SRSF1: variants seen among roughly 807,000 people sequenced by gnomAD.
SRSF1 encodes the protein serine and arginine rich splicing factor 1, also known as serine/arginine-rich splicing factor 1.
SRSF1 carries 1 observed loss-of-function variant against 25.9 expected under a neutral mutation model. The ratio of observed to expected loss-of-function variants is 0.04; its 90% CI spans 0.01 to 0.18. SRSF1 has a LOEUF of 0.18. Ranked by LOEUF, SRSF1 falls within the 10% of genes least tolerant of loss-of-function variation. The pLI is 1.00. For synonymous variants in SRSF1, 132 were observed against 126.2 expected, an observed-to-expected ratio of 1.05 and a Z score of -0.31; for missense variants, 65 against 350.5, an observed-to-expected ratio of 0.19 and a Z score of 6.50.
At position 58,006,273 on chromosome 17, in the gene SRSF1, T is replaced by C. The variant is rs563955711; in HGVS notation, c.379+70A>G. ...ATGAAAAATTTGCAATTATTAAACC[T>C]GTCACGCAAGAGAAAAATTTTAGGT... On this transcript the variant is annotated intron_variant, in intron 2 of 3. Transcript: ENST00000258962. 60 of 1,517,688 alleles carry C rather than the reference T, an allele frequency of 4.0e-5. No individual in the cohort carries two copies. The East Asian group carries it at 6.4e-4, about 16-fold the overall frequency. The allele number at this position is 1,517,688 out of a possible 1,614,324, so 94.0% of individuals were successfully genotyped here.
At position 58,002,211 on chromosome 17, in the gene SRSF1, TTC is replaced by T. The variant is rs1184565295; in HGVS notation, c.*3193_*3194del. Reference sequence around the variant, plus strand: ...TCTGCCTTTTGGCCATTACATTGAATTCTTAGATAAAAAGAGCTACATCCTTA... The same window carrying T: ...TCTGCCTTTTGGCCATTACATTGAATTTAGATAAAAAGAGCTACATCCTTA... On this transcript the variant is annotated 3_prime_UTR_variant, in exon 4 of 4. Coordinates refer to ENST00000258962, the MANE Select transcript of SRSF1 (RefSeq NM_006924.5). Among the ~76,000 whole-genome samples, 1 of 152,236 alleles carries T rather than the reference TTC, an allele frequency of 6.6e-6. No homozygotes were observed. The highest frequency in any genetic ancestry group is 1.9e-4 in the East Asian group (1 of 5,198).
the SRSF1 span, chr17:57,989,703 A>T: frequency 2.5e-6 from 1 of 398,486 alleles, no homozygotes; most frequent in African/African-American, 2.1e-5. Context: ...CTGATTCCCC[A>T]TTGGATACTG....
At chr17:57,993,410 A>G in the SRSF1 span, 2 of 152,080 alleles carry the variant, frequency 1.3e-5, no homozygotes, top group East Asian at 1.9e-4. Flanking sequence ...AAAAGTGCCT[A>G]AAGTTCTACA....
chr17:57,999,309 T>A (rs927672268), downstream of SRSF1, among the ~76,000 whole-genome samples: 2 of 152,150 alleles, frequency 1.3e-5, no homozygotes, highest in Non-Finnish European at 2.9e-5. Context: ...TATGTCTAGT[T>A]TTCCCCAGCA....
chr17:58,005,743 AC>A lies in SRSF1; in HGVS notation c.552+57del. 1 of 1,612,650 alleles carries A rather than the reference AC, an allele frequency of 6.2e-7. No individual in the cohort carries two copies. The highest frequency in any genetic ancestry group is 8.5e-7 in the Non-Finnish European group (1 of 1,179,010). On this transcript the variant is annotated intron_variant, in intron 3 of 3. Transcript: ENST00000258962. The surrounding 1 kb of genome is among the most constrained non-coding windows in gnomAD (Gnocchi z 5.2). Reference sequence around the variant, plus strand: ...GCCTGAATCCTTACCTTGAAATTCCACTGTTAAGACCACTGTATCCAATTCT... The same window carrying A: ...GCCTGAATCCTTACCTTGAAATTCCATGTTAAGACCACTGTATCCAATTCT...
Position 58,006,419 on chromosome 17 carries a change from C to T in SRSF1, c.303G>A (p.Gly101=), listed in dbSNP as rs771425679. 4 of 1,613,088 alleles carry T rather than the reference C, an allele frequency of 2.5e-6. No individual in the cohort carries two copies. In the Admixed American group the frequency reaches 5.0e-5, roughly 20 times the overall value. Residue 101 remains glycine, a synonymous_variant, in exon 2 of 4, where the codon GGG becomes GGA. Coordinates refer to ENST00000258962, the MANE Select transcript of SRSF1 (RefSeq NM_006924.5). ...CTCGGGGAGCTCCGCCACCTCCACC[C>T]CCGCCGCCGCCTCGGCCTGTTCCAC... ...SGRGTGRGGG[G]GGGGGAPRGR...
chr17:57,997,501 A>C (rs1263152269), downstream of SRSF1, among the ~76,000 whole-genome samples: 1 of 152,226 alleles, frequency 6.6e-6, no homozygotes, highest in African/African-American at 2.4e-5. Flanking sequence ...TAAAAAATAC[A>C]TGTATTTACC....
chr17:58,000,998 A>G lies in SRSF1; in HGVS notation c.*4408T>C, dbSNP rs932968326. ...GTAGTTTTTGGATTTCAAAAAATGG[A>G]TAAGAGACTGTAATCTGTTTTCTGC... On this transcript the variant is annotated 3_prime_UTR_variant, in exon 4 of 4. Transcript: ENST00000258962. Among the ~76,000 whole-genome samples the G allele has an allele frequency of 2.0e-5, 3 of 152,302 alleles. No individual in the cohort carries two copies. The highest frequency in any genetic ancestry group is 2.1e-4 in the South Asian group (1 of 4,824).
chr17:57,990,807 C>G, the SRSF1 span: 1 of 152,240 alleles, frequency 6.6e-6, no homozygotes, highest in Non-Finnish European at 1.5e-5. Context: ...AAACAAAAGT[C>G]AGATCCCCAA....
chr17:58,006,728 G>A (rs758875983), intron 1 of SRSF1: 12 of 878,234 alleles, frequency 1.4e-5, no homozygotes, highest in Non-Finnish European at 2.0e-5. Flanking sequence ...TCAGTTTCCC[G>A]CTCCAGCCTG....
At chr17:57,991,538 A>G in the SRSF1 span, 1 of 152,240 alleles carries the variant, frequency 6.6e-6, no homozygotes, top group Non-Finnish European at 1.5e-5. Context: ...TCAAGATTGC[A>G]ATATTTAGAA....
the SRSF1 span, chr17:57,990,298 G>A: frequency 3.3e-5 from 5 of 152,142 alleles, no homozygotes; most frequent in Non-Finnish European, 7.3e-5. Flanking sequence ...TTACTGAAAA[G>A]CTAAGATTCA....
chr17:58,007,044 T>C lies in SRSF1; in HGVS notation c.94A>G (p.Ile32Val). 6.2e-7 allele frequency: 1 copy of C among 1,614,248 alleles called. No individual in the cohort carries two copies. Among genetic ancestry groups the C allele is most frequent in the Non-Finnish European group, 8.5e-7 (1 of 1,180,046 alleles). Residue 32 changes from isoleucine (I) to valine (V), a missense_variant, in exon 1 of 4, where the codon ATT becomes GTT. Physicochemically the swap from Ile to Val is conservative, Grantham distance 29. Transcript: ENST00000258962. ...NLPPDIRTKD[I>V]EDVFYKYGAI... Reference sequence around the variant, plus strand: ...CCGTATTTGTAGAACACGTCCTCAATGTCCTTGGTTCGGATGTCTGGAGGT... The same window carrying C: ...CCGTATTTGTAGAACACGTCCTCAACGTCCTTGGTTCGGATGTCTGGAGGT...
rs1205892996 is a variant in SRSF1, at chr17:58,003,745, T to C, written c.*1661A>G. On this transcript the variant is annotated 3_prime_UTR_variant, in exon 4 of 4. Coordinates refer to ENST00000258962, the MANE Select transcript of SRSF1 (RefSeq NM_006924.5). ...TTTTACCAAAAAACGCAAAACACAA[T>C]TCCATCGTGCATCTTAAGGGCTCCA... 1.3e-5 allele frequency: 2 copies of C among 152,446 alleles called. No homozygotes were observed. Among genetic ancestry groups the C allele is most frequent in the African/African-American group, 2.4e-5 (1 of 41,374 alleles). 9.4% of individuals were successfully genotyped at this position (152,446 alleles called of 1,614,324 possible).
chr17:58,006,997 G>A lies in SRSF1; in HGVS notation c.141C>T (p.Leu47=). Residue 47 remains leucine (L), a synonymous_variant, in exon 1 of 4, where the codon CTC becomes CTT. Coordinates refer to ENST00000258962, the MANE Select transcript of SRSF1 (RefSeq NM_006924.5). ...AGGGCGGTCCCCCGCGGCGATTCTT[G>A]AGGTCGATGTCGCGGATAGCGCCGT... The part of the protein sequence containing the change: ...YKYGAIRDID[L]KNRRGGPPFA... 5.6e-6 allele frequency: 9 copies of A among 1,614,116 alleles called. No homozygotes were observed. Among genetic ancestry groups the A allele is most frequent in the Non-Finnish European group, 7.6e-6 (9 of 1,180,018 alleles).
chr17:58,006,777 G>A lies in SRSF1; in HGVS notation c.194+167C>T, dbSNP rs981599433. ...GGGACGTCCAAGGCGAGGCGCCAGA[G>A]AAGCCACATCAACTCAGCTCCTTAC... On this transcript the variant is annotated intron_variant, in intron 1 of 3. Transcript: ENST00000258962. 4.2e-6 allele frequency: 4 copies of A among 955,638 alleles called. No individual in the cohort carries two copies. The East Asian group carries it at 7.7e-5, about 18-fold the overall frequency. The allele number at this position is 955,638 out of a possible 1,614,324, so 59.2% of individuals were successfully genotyped here. A position where few individuals can be genotyped will look rare whatever the true frequency, so the allele number is the denominator to read the frequency against.
In SRSF1 at chr17:58,005,305, C is replaced by T; in HGVS notation, c.*101G>A. On this transcript the variant is annotated 3_prime_UTR_variant, in exon 4 of 4. Transcript: ENST00000258962. This position sits in a 1 kb window ranked among gnomAD's most constrained non-coding sequence, Gnocchi z 5.2. ...AAGAATGCAATTCAACACTTTAGCC[C>T]ATTCTGAACAAAACAGTTTGAATTA... The T allele has an allele frequency of 2.3e-6, 3 of 1,301,946 alleles. No individual in the cohort carries two copies. The South Asian group carries it at 4.1e-5, about 18-fold the overall frequency. The allele number at this position is 1,301,946 out of a possible 1,614,324, so 80.6% of individuals were successfully genotyped here.
rs781025039 is a variant in SRSF1, at chr17:58,005,242, C to T, written c.*164G>A. ...CTTAAAATACAATTTATCAAAGACA[C>T]GAAGGGAATGTAGATGTTAGGAGCA... is the stretch of plus-strand genomic sequence containing the variant. On this transcript the variant is annotated 3_prime_UTR_variant, in exon 4 of 4. Coordinates refer to ENST00000258962, the MANE Select transcript of SRSF1 (RefSeq NM_006924.5). The surrounding 1 kb of genome is among the most constrained non-coding windows in gnomAD (Gnocchi z 5.2). 2.3e-5 allele frequency: 16 copies of T among 697,486 alleles called. No individual in the cohort carries two copies. Among genetic ancestry groups the T allele is most frequent in the Non-Finnish European group, 3.8e-5 (16 of 421,298 alleles). The allele number at this position is 697,486 out of a possible 1,614,324, so 43.2% of individuals were successfully genotyped here.
At chr17:57,995,830 A>C in the SRSF1 span, among the ~76,000 whole-genome samples, 1 of 152,134 alleles carries the variant, frequency 6.6e-6, no homozygotes, top group Non-Finnish European at 1.5e-5. Context: ...ACTAAATACT[A>C]CGTGAGAATT....
Sources: gnomAD v4.1 joint callset for allele counts (sites outside exome capture counted in the v4.1 genomes callset) on GRCh38, gnomAD v4.1.1 for gene constraint, Gnocchi (gnomAD v3.1) non-coding constraint, MANE v1.5 for transcripts, NCBI Gene and HGNC (gene_info 2026-07-23, HGNC 2026-07-21) for gene names.